Variants in SFXN1 observed in about 807,000 individuals in gnomAD.
The protein encoded by SFXN1 is sideroflexin 1.
SFXN1 carries 32 observed loss-of-function variants against 39.5 expected under a neutral mutation model. The observed-to-expected ratio is 0.81, with a 90% CI of 0.61 to 1.09. SFXN1 has a LOEUF of 1.09. SFXN1 is among the 50% of genes least tolerant of loss of function. SFXN1 has a pLI of 0.00. For synonymous variants in SFXN1, 136 were observed against 146.5 expected, an observed-to-expected ratio of 0.93 and a Z score of 0.52; for missense variants, 402 against 407.1, an observed-to-expected ratio of 0.99 and a Z score of 0.11.
At chr5:175,496,287 T>C (rs949732595) in intron 2 of SFXN1, among the ~76,000 whole-genome samples, 3 of 151,576 alleles carry the variant, frequency 2.0e-5, no homozygotes, top group African/African-American at 7.3e-5. Context: ...GGCAGGAGAA[T>C]CACTTGAACC....
chr5:175,491,401 G>A (rs1013245055), intron 1 of SFXN1: 8 of 151,488 alleles, frequency 5.3e-5, no homozygotes, highest in Admixed American at 1.3e-4. Context: ...TTTAGTAGGC[G>A]TTTGACGTTG....
chr5:175,514,760 G>A (rs1162205928), intron 7 of SFXN1, among the ~76,000 whole-genome samples: 1 of 152,164 alleles, frequency 6.6e-6, no homozygotes, highest in East Asian at 1.9e-4. Flanking sequence ...CAAATTGGGG[G>A]AAAACTGCTA....
intron 2 of SFXN1, among the ~76,000 whole-genome samples, chr5:175,505,832 C>G (rs1025127332): frequency 6.6e-6 from 1 of 152,052 alleles, no homozygotes; most frequent in African/African-American, 2.4e-5. Flanking sequence ...CTTTTCTTTT[C>G]TTTTGAGACT....
intron 2 of SFXN1, among the ~76,000 whole-genome samples, chr5:175,498,078 CAATGAGAAATT>C (rs1481296961): frequency 6.7e-6 from 1 of 148,908 alleles, no homozygotes; most frequent in African/African-American, 2.5e-5. Context: ...AAAGTAAAAA[CAATGAGAAATT>C]AATGAGAAAA....
chr5:175,487,147 GGT>G (rs1188019089), intron 1 of SFXN1, among the ~76,000 whole-genome samples: 1 of 152,164 alleles, frequency 6.6e-6, no homozygotes, highest in African/African-American at 2.4e-5. Flanking sequence ...GCCACAGCCT[GGT>G]GTCCGTCCAG....
At chr5:175,514,202 C>T (rs2113344217) in intron 7 of SFXN1, among the ~76,000 whole-genome samples, 2 of 152,104 alleles carry the variant, frequency 1.3e-5, no homozygotes, top group Middle Eastern at 3.4e-3. Context: ...AGGCAAGAGG[C>T]AGTGATGGGC....
At chr5:175,512,242 G>A (rs768936643) in intron 6 of SFXN1, 46 bp downstream of exon 6, 36 of 1,526,160 alleles carry the variant, frequency 2.4e-5, no homozygotes, top group Non-Finnish European at 3.3e-5. Context: ...CTTGACAGGA[G>A]AGTCTCTTGT....
At chr5:175,489,043 G>A (rs1265593752) in intron 1 of SFXN1, among the ~76,000 whole-genome samples, 3 of 152,180 alleles carry the variant, frequency 2.0e-5, no homozygotes, top group East Asian at 1.9e-4. Context: ...TCACCGATGC[G>A]GCCCAAGAGT....
chr5:175,489,939 G>A (rs955614155), intron 1 of SFXN1, among the ~76,000 whole-genome samples: 1 of 152,006 alleles, frequency 6.6e-6, no homozygotes, highest in African/African-American at 2.4e-5. Context: ...TTCCCCGGTG[G>A]AGATCTGATA....
At chr5:175,498,216 T>C (rs920651966) in intron 2 of SFXN1, among the ~76,000 whole-genome samples, 13 of 152,166 alleles carry the variant, frequency 8.5e-5, no homozygotes, top group African/African-American at 2.9e-4. Flanking sequence ...TGACAATGAA[T>C]GAACTGAGAA....
At chr5:175,526,366 A>G (rs1319876197) in intron 10 of SFXN1, among the ~76,000 whole-genome samples, 6 of 152,142 alleles carry the variant, frequency 3.9e-5, no homozygotes, top group African/African-American at 9.7e-5. Flanking sequence ...TGTCATCACC[A>G]TACACTCTTG....
At chr5:175,526,390 A>T (rs1761061064) in intron 10 of SFXN1, among the ~76,000 whole-genome samples, 1 of 152,022 alleles carries the variant, frequency 6.6e-6, no homozygotes, top group Non-Finnish European at 1.5e-5. Context: ...GCAATAAGAG[A>T]TTTCACCTTT....
chr5:175,524,126 ATATATATATATATATATATATAT>A lies in SFXN1; in HGVS notation c.872+1705_872+1727del, dbSNP rs1326217394. ...CTCAAAAAAAAAAAAAAAAAAAAAA[ATATATATATATATATATATATAT>A]ATATATATATATATATATATATCTC... On this transcript the variant is annotated intron_variant, in intron 10 of 10. Transcript: ENST00000321442. 4.4e-4 allele frequency: 9 copies of A among 20,268 alleles called. 1 individual carries two copies. Among genetic ancestry groups the A allele is most frequent in the African/African-American group, 2.4e-3 (8 of 3,270 alleles). The allele number at this position is 20,268 out of a possible 1,614,324, so 1.3% of individuals were successfully genotyped here.
At chr5:175,504,439 G>A (rs535385698) in intron 2 of SFXN1, among the ~76,000 whole-genome samples, 2 of 152,002 alleles carry the variant, frequency 1.3e-5, no homozygotes, top group South Asian at 2.1e-4. Flanking sequence ...ACCGGGCGTG[G>A]TGGCGCACAC....
intron 5 of SFXN1, among the ~76,000 whole-genome samples, chr5:175,511,866 C>T (rs1046938185): frequency 7.8e-6 from 1 of 127,620 alleles, no homozygotes; most frequent in African/African-American, 3.4e-5. Context: ...TCTCTCTCCC[C>T]ACTCCAAAGC....
chr5:175,486,984 A>G (rs1759472144), intron 1 of SFXN1, among the ~76,000 whole-genome samples: 1 of 152,252 alleles, frequency 6.6e-6, no homozygotes, highest in Admixed American at 6.5e-5. Flanking sequence ...ATTATAGTTA[A>G]AAGGGAAGAG....
intron 2 of SFXN1, among the ~76,000 whole-genome samples, chr5:175,505,393 T>C: frequency 6.7e-6 from 1 of 149,838 alleles, no homozygotes; most frequent in Non-Finnish European, 1.5e-5. Flanking sequence ...AAAAAAAAGC[T>C]GAATGTGGTG....
intron 2 of SFXN1, among the ~76,000 whole-genome samples, chr5:175,501,441 A>G (rs192718691): frequency 8.1e-4 from 123 of 152,316 alleles, no homozygotes; most frequent in Non-Finnish European, 1.4e-3. Flanking sequence ...AGAGAAAAAC[A>G]CTGATAAATT....
At chr5:175,507,869 A>C (rs1170711639) in intron 2 of SFXN1, among the ~76,000 whole-genome samples, 1 of 152,056 alleles carries the variant, frequency 6.6e-6, no homozygotes, top group African/African-American at 2.4e-5. Context: ...GCTACTCAGG[A>C]AACTGAGGTG....
Sources: gnomAD v4.1 joint callset for allele counts (sites outside exome capture counted in the v4.1 genomes callset) on GRCh38, gnomAD v4.1.1 for gene constraint, MANE v1.5 for transcripts, NCBI Gene and HGNC (gene_info 2026-07-23, HGNC 2026-07-21) for gene names.